Variants in MECOM observed in about 807,000 individuals in gnomAD.
MECOM encodes the protein MDS1 and EVI1 complex locus.
In MECOM, 13 loss-of-function variants were observed where a neutral mutation model predicts 116.3. The observed-to-expected ratio is 0.11, with a 90% CI of 0.07 to 0.18. The LOEUF (loss-of-function observed/expected upper bound fraction) is 0.18, where lower values mean the gene tolerates loss of function less well. Ranked by LOEUF, MECOM falls within the 10% of genes least tolerant of loss-of-function variation. The pLI, the probability that MECOM is intolerant of heterozygous loss-of-function variation, is 1.00. For synonymous variants in MECOM, 528 were observed against 535.2 expected (o/e 0.99, Z 0.19); for missense variants, 1,299 against 1,509.0 (o/e 0.86, Z 2.31).
At chr3:169,476,324 C>CT (rs1324119298) in intron 1 of MECOM, among the ~76,000 whole-genome samples, 7 of 152,180 alleles carry the variant, frequency 4.6e-5, no homozygotes, top group Non-Finnish European at 1.0e-4. Context: ...GATGATAACT[C>CT]TTATCTAACC....
intron 2 of MECOM, among the ~76,000 whole-genome samples, chr3:169,161,919 G>C (rs1433201638): frequency 1.3e-5 from 2 of 152,108 alleles, no homozygotes; most frequent in Non-Finnish European, 2.9e-5. Flanking sequence ...TCCAGCCTCA[G>C]TCCCATTTTT....
At chr3:169,119,747 C>T (rs544133292) in intron 7 of MECOM, among the ~76,000 whole-genome samples, 1 of 152,148 alleles carries the variant, frequency 6.6e-6, no homozygotes, top group African/African-American at 2.4e-5. Flanking sequence ...ACTTAAGAGT[C>T]AGGAATGCCT....
rs144928407 is a variant in MECOM, at chr3:169,092,985, C to T, written c.3137G>A (p.Ser1046Asn). The change falls in exon 14 of 17, where the codon AGC (serine) becomes AAC (asparagine). Residue 1046 changes from serine to asparagine, a missense_variant. Around this residue, in one of 6 missense-constraint regions of MECOM, gnomAD observed 273 missense variants for 289.3 expected, o/e 0.94. Coordinates refer to ENST00000651503, the MANE Select transcript of MECOM (RefSeq NM_004991.4). The part of the protein sequence containing the change: ...RNFIGNSNHG[S>N]QSPRNVEERM... ...CTCCTCCACATTCCTGGGAGATTGG[C>T]TGCCATGGTTGCTGTTCCCAATGAA... 2 of 1,613,788 alleles carry T rather than the reference C, an allele frequency of 1.2e-6. No homozygotes were observed. Among genetic ancestry groups the T allele is most frequent in the Non-Finnish European group, 1.7e-6 (2 of 1,179,772 alleles).
chr3:169,434,362 G>A (rs1205046466), intron 1 of MECOM, among the ~76,000 whole-genome samples: 1 of 151,978 alleles, frequency 6.6e-6, no homozygotes, highest in Non-Finnish European at 1.5e-5. Flanking sequence ...GTAACAAGTT[G>A]AGCTTTTTTC....
At chr3:169,285,184 A>G (rs1036892681) in intron 2 of MECOM, among the ~76,000 whole-genome samples, 1 of 152,164 alleles carries the variant, frequency 6.6e-6, no homozygotes, top group Non-Finnish European at 1.5e-5. Flanking sequence ...GCCATTATGA[A>G]AAGTGTTTGT....
chr3:169,562,680 G>A (rs910306716), intron 1 of MECOM, among the ~76,000 whole-genome samples: 3 of 152,124 alleles, frequency 2.0e-5, no homozygotes, highest in Non-Finnish European at 4.4e-5. Flanking sequence ...AAACTCTCCA[G>A]AAAGGAGCCA....
chr3:169,168,229 T>C (rs1314379472), intron 2 of MECOM, among the ~76,000 whole-genome samples: 1 of 152,090 alleles, frequency 6.6e-6, no homozygotes, highest in African/African-American at 2.4e-5. Flanking sequence ...TTTATTTGTT[T>C]TTAGAGACAG....
At chr3:169,085,078 A>G in intron 16 of MECOM, 35 bp from the exon 17 acceptor site, 1 of 1,612,808 alleles carries the variant, frequency 6.2e-7, no homozygotes, top group Non-Finnish European at 8.5e-7. Flanking sequence ...AGTAAATGGC[A>G]TTTGAAAAAC....
At chr3:169,144,789 A>G (rs1043235381) in intron 2 of MECOM, among the ~76,000 whole-genome samples, 4 of 152,198 alleles carry the variant, frequency 2.6e-5, no homozygotes, top group South Asian at 2.1e-4. Context: ...TGTTATGTCA[A>G]TCAGTTAATA....
At position 169,275,548 on chromosome 3, in the gene MECOM, C is replaced by G. The variant is rs186560646; in HGVS notation, c.375+105639G>C. Among the ~76,000 whole-genome samples, 271 of 152,266 alleles carry G rather than the reference C, an allele frequency of 1.8e-3. 1 individual carries two copies. The highest frequency in any genetic ancestry group is 3.4e-3 in the Middle Eastern group (1 of 294). ...GGAACATTGTTACCCTGCTAAATAT[C>G]TTAGTTTTCTAATGATACGCAAATG... On this transcript the variant is annotated intron_variant, in intron 2 of 16. Coordinates refer to ENST00000651503, the MANE Select transcript of MECOM (RefSeq NM_004991.4).
At position 169,250,706 on chromosome 3, in the gene MECOM, A is replaced by G. The variant is rs1756145967; in HGVS notation, c.376-106874T>C. On this transcript the variant is annotated intron_variant, in intron 2 of 16. Coordinates refer to ENST00000651503, the MANE Select transcript of MECOM (RefSeq NM_004991.4). ...TAACCATGATTTTTGATGAAATTCAATTTGAGTATGCATGAACTATGGCCA... is the reference window on the plus strand; with the variant it reads ...TAACCATGATTTTTGATGAAATTCAGTTTGAGTATGCATGAACTATGGCCA... 1.3e-5 allele frequency among the ~76,000 whole-genome samples: 2 copies of G among 152,186 alleles called. 1 individual carries two copies. The highest frequency in any genetic ancestry group is 4.8e-5 in the African/African-American group (2 of 41,460).
intron 1 of MECOM, among the ~76,000 whole-genome samples, chr3:169,564,316 A>G (rs1051681755): frequency 1.3e-5 from 2 of 152,242 alleles, no homozygotes; most frequent in Non-Finnish European, 2.9e-5. Flanking sequence ...GAAAAGTCTT[A>G]AGCTTAATTC....
At chr3:169,127,775 GC>G in intron 5 of MECOM, 68 bp downstream of exon 5, 1 of 1,400,076 alleles carries the variant, frequency 7.1e-7, no homozygotes, top group Admixed American at 1.7e-5. Context: ...TCTGCACAAA[GC>G]CTCAAAATTC....
At chr3:169,223,288 C>T (rs866625329) in intron 2 of MECOM, among the ~76,000 whole-genome samples, 2 of 94,388 alleles carry the variant, frequency 2.1e-5, no homozygotes, top group Admixed American at 2.8e-4. Flanking sequence ...CTCCCCCCTC[C>T]CCCCACCCCA....
chr3:169,166,607 C>T (rs1160249692), intron 2 of MECOM, among the ~76,000 whole-genome samples: 9 of 151,904 alleles, frequency 5.9e-5, no homozygotes, highest in Admixed American at 5.9e-4. Context: ...CATGTAAAAA[C>T]AGAGACAGAA....
chr3:169,472,290 A>G (rs1292373366), intron 1 of MECOM, among the ~76,000 whole-genome samples: 1 of 150,538 alleles, frequency 6.6e-6, no homozygotes, highest in Non-Finnish European at 1.5e-5. Flanking sequence ...AAAAAACAAT[A>G]ATAATAATAT....
chr3:169,453,559 T>G (rs4955658), intron 1 of MECOM, among the ~76,000 whole-genome samples: 85,067 of 152,010 alleles, frequency 0.56, 24,248 homozygotes, highest in East Asian at 0.9. Flanking sequence ...GGAGGAGTAC[T>G]TCTTTACTAA....
chr3:169,248,961 G>A (rs763164428), intron 2 of MECOM, among the ~76,000 whole-genome samples: 12 of 152,110 alleles, frequency 7.9e-5, no homozygotes, highest in Non-Finnish European at 1.5e-4. Context: ...GACAGCCCTA[G>A]TAAACTATTA....
intron 2 of MECOM, among the ~76,000 whole-genome samples, chr3:169,337,822 CA>C (rs1723824704): frequency 6.6e-6 from 1 of 152,142 alleles, no homozygotes; most frequent in African/African-American, 2.4e-5. Context: ...GTCTGTGTGT[CA>C]AAGTGTATTT....
Sources: allele counts gnomAD v4.1 joint callset (sites outside exome capture counted in the v4.1 genomes callset), GRCh38; gene constraint gnomAD v4.1.1; regional missense constraint gnomAD v4.1.1; transcripts MANE v1.5; gene names NCBI Gene and HGNC (gene_info 2026-07-23, HGNC 2026-07-21).